Variants in DOCK3 observed in about 807,000 individuals in gnomAD.
DOCK3 encodes the protein dedicator of cytokinesis protein 3.
In DOCK3, 60 loss-of-function variants were observed where a neutral mutation model predicts 265.6. The observed-to-expected ratio is 0.23, with a 90% CI of 0.18 to 0.28. DOCK3 has a LOEUF of 0.28. Ranked by LOEUF, DOCK3 falls within the 10% of genes least tolerant of loss-of-function variation. The pLI is 1.00. For missense variants in DOCK3, 1,981 were observed against 2,594.3 expected (o/e 0.76, Z 5.14); for synonymous variants, 881 against 938.0 (o/e 0.94, Z 1.11).
At chr3:51,220,277 A>T (rs572696561) in intron 14 of DOCK3, among the ~76,000 whole-genome samples, 3 of 152,306 alleles carry the variant, frequency 2.0e-5, no homozygotes, top group Non-Finnish European at 4.4e-5. Flanking sequence ...TTCTCATCTT[A>T]CATGATCTTA....
intron 1 of DOCK3, among the ~76,000 whole-genome samples, chr3:50,704,191 C>T (rs1454181460): frequency 3.3e-5 from 5 of 152,246 alleles, no homozygotes; most frequent in Middle Eastern, 3.4e-3. Flanking sequence ...TATGGCCTAA[C>T]GTATGGTCTA....
At chr3:51,062,829 A>G (rs929141357) in intron 5 of DOCK3, among the ~76,000 whole-genome samples, 3 of 152,232 alleles carry the variant, frequency 2.0e-5, no homozygotes, top group Non-Finnish European at 4.4e-5. Context: ...TATGAAACGT[A>G]TGTGTTGGAA....
chr3:50,935,242 A>G (rs545845682), intron 5 of DOCK3, among the ~76,000 whole-genome samples: 1 of 152,272 alleles, frequency 6.6e-6, no homozygotes, highest in South Asian at 2.1e-4. Flanking sequence ...CAGCACAATA[A>G]AAGCTGTATT....
intron 2 of DOCK3, among the ~76,000 whole-genome samples, chr3:50,816,521 A>G (rs1023688399): frequency 4.0e-5 from 6 of 151,662 alleles, no homozygotes; most frequent in Admixed American, 2.0e-4. Context: ...GGGTTTTGCC[A>G]TATTGTCCAG....
chr3:51,026,223 A>G (rs1575809541), intron 5 of DOCK3, among the ~76,000 whole-genome samples: 1 of 152,160 alleles, frequency 6.6e-6, no homozygotes, highest in South Asian at 2.1e-4. Context: ...TTCTGAGTCT[A>G]TTGAGATGGT....
rs536948716 is a variant in DOCK3 at position 51,089,502 on chromosome 3, G to C, written c.591+218G>C. Reference sequence around the variant, plus strand: ...AATTAAAGCAGACTGAAACTAAAATGAATCAGTCTGGGAGAAAATAAAAAT... The same window carrying C: ...AATTAAAGCAGACTGAAACTAAAATCAATCAGTCTGGGAGAAAATAAAAAT... On this transcript the variant is annotated intron_variant, in intron 8 of 52. Coordinates refer to ENST00000266037, the MANE Select transcript of DOCK3 (RefSeq NM_004947.5). Among the ~76,000 whole-genome samples the C allele has an allele frequency of 9.5e-4, 144 of 152,324 alleles. 1 individual carries two copies. Among genetic ancestry groups the C allele is most frequent in the Non-Finnish European group, 1.7e-3 (115 of 68,022 alleles).
intron 9 of DOCK3, among the ~76,000 whole-genome samples, chr3:51,100,686 A>G (rs1243872161): frequency 6.6e-6 from 1 of 152,270 alleles, no homozygotes; most frequent in Non-Finnish European, 1.5e-5. Context: ...AATATAGCAG[A>G]ATTCAGATTC....
At chr3:51,303,323 T>C (rs2082459857) in intron 27 of DOCK3, among the ~76,000 whole-genome samples, 1 of 152,194 alleles carries the variant, frequency 6.6e-6, no homozygotes, top group Admixed American at 6.5e-5. Context: ...TGTTTTATCA[T>C]GGTTCTTAGC....
intron 40 of DOCK3, among the ~76,000 whole-genome samples, chr3:51,353,856 T>G (rs906969589): frequency 2.0e-5 from 3 of 151,926 alleles, no homozygotes; most frequent in Admixed American, 6.5e-5. Context: ...TTTGTTGAAA[T>G]GGGTCTGGCT....
intron 7 of DOCK3, among the ~76,000 whole-genome samples, chr3:51,085,460 T>G (rs1201737166): frequency 6.6e-6 from 1 of 152,184 alleles, no homozygotes; most frequent in Non-Finnish European, 1.5e-5. Context: ...ATCAAAATCA[T>G]GTCAAGTATC....
At chr3:51,317,451 G>A (rs941023281) in intron 32 of DOCK3, among the ~76,000 whole-genome samples, 4 of 151,112 alleles carry the variant, frequency 2.6e-5, no homozygotes, top group East Asian at 3.9e-4. Flanking sequence ...GTGGTGCCAC[G>A]TGCCTGTAGT....
chr3:51,199,681 G>A (rs1375574356), intron 12 of DOCK3, among the ~76,000 whole-genome samples: 1 of 152,200 alleles, frequency 6.6e-6, no homozygotes, highest in African/African-American at 2.4e-5. Context: ...GCTTTGAAGA[G>A]AGCAGTGGTT....
At chr3:51,293,290 T>G (rs895176022) in intron 27 of DOCK3, among the ~76,000 whole-genome samples, 1 of 152,108 alleles carries the variant, frequency 6.6e-6, no homozygotes, top group Non-Finnish European at 1.5e-5. Context: ...CATTGACCAA[T>G]AGAAGAGGAT....
At chr3:51,367,434 C>G (rs1294702458) in intron 49 of DOCK3, among the ~76,000 whole-genome samples, 2 of 152,154 alleles carry the variant, frequency 1.3e-5, no homozygotes, top group Non-Finnish European at 2.9e-5. Context: ...TGGGTCTTGA[C>G]TCTTTATCCA....
At chr3:51,036,708 G>A (rs946708817) in intron 5 of DOCK3, among the ~76,000 whole-genome samples, 5 of 151,460 alleles carry the variant, frequency 3.3e-5, no homozygotes, top group Non-Finnish European at 4.4e-5. Context: ...AAAACATGTC[G>A]ATATGGTTTG....
At chr3:51,169,323 C>A (rs1297817275) in intron 12 of DOCK3, among the ~76,000 whole-genome samples, 11 of 152,158 alleles carry the variant, frequency 7.2e-5, no homozygotes, top group Admixed American at 7.2e-4. Context: ...ATAGCAAAGA[C>A]ATGTAATCAT....
intron 6 of DOCK3, 31 bp downstream of exon 6, chr3:51,064,627 A>G: frequency 6.2e-7 from 1 of 1,607,790 alleles, no homozygotes; most frequent in Non-Finnish European, 8.5e-7. Context: ...GGTATCTCTC[A>G]GTTTCATTTA....
At chr3:50,912,881 A>G (rs1051035401) in intron 4 of DOCK3, among the ~76,000 whole-genome samples, 2 of 152,070 alleles carry the variant, frequency 1.3e-5, no homozygotes, top group Admixed American at 6.5e-5. Context: ...CAGCTCCAGA[A>G]ATGCCATCCA....
chr3:50,719,671 C>T, intron 1 of DOCK3: 1 of 1,564,248 alleles, frequency 6.4e-7, no homozygotes, highest in South Asian at 1.1e-5. Flanking sequence ...TTGGGTCCAG[C>T]ATTTGACATG....
Sources: allele counts gnomAD v4.1 joint callset (sites outside exome capture counted in the v4.1 genomes callset), GRCh38; gene constraint gnomAD v4.1.1; transcripts MANE v1.5; gene names NCBI Gene and HGNC (gene_info 2026-07-23, HGNC 2026-07-21).